PEX26: variants seen among roughly 807,000 people sequenced by gnomAD.
The protein encoded by PEX26 is peroxisome assembly protein 26.
In PEX26, 18 loss-of-function variants were observed where a neutral mutation model predicts 31.4. That is an observed-to-expected ratio of 0.57 (90% CI 0.40 to 0.85). PEX26 has a LOEUF of 0.85. Among genes scored for constraint, PEX26 ranks in the 40% least tolerant of loss-of-function variants. PEX26 has a pLI of 0.00. For missense variants in PEX26, 377 were observed against 383.9 expected (o/e 0.98, Z 0.15); for synonymous variants, 176 against 166.9 (o/e 1.05, Z -0.42).
Position 18,085,212 on chromosome 22 carries a change from C to T in PEX26, c.768C>T (p.Leu256=). The T allele has an allele frequency of 6.2e-7, 1 of 1,614,130 alleles. No homozygotes were observed. The highest frequency in any genetic ancestry group is 8.5e-7 in the Non-Finnish European group (1 of 1,180,016). The change falls in exon 4 of 5, where the codon CTC becomes CTT. Residue 256 remains leucine, a synonymous_variant. Coordinates refer to ENST00000399744, the MANE Select transcript of PEX26 (RefSeq NM_001127649.3). The part of the protein sequence containing the change: ...HFFSLPFKKS[L]LAALILCLLV... ...TTTCTCTGCCCTTCAAAAAGAGTCT[C>T]CTGGCTGCCTTGATCCTCTGTCTCC...
chr22:18,084,113 G>A (rs926945299), intron 3 of PEX26, among the ~76,000 whole-genome samples: 1 of 152,194 alleles, frequency 6.6e-6, no homozygotes, highest in East Asian at 1.9e-4. Context: ...GATAGCCAAA[G>A]GAATATCAGA....
chr22:18,090,602 G>C lies in PEX26; in HGVS notation c.*2527G>C, dbSNP rs1927053184. On this transcript the variant is annotated 3_prime_UTR_variant, in exon 5 of 5. Coordinates refer to ENST00000399744, the MANE Select transcript of PEX26 (RefSeq NM_001127649.3). ...TGAACTTCTTTGCTGCCCCTTCGAAGCTGGGGAGTGCTTGTTGCAGATGCA... is the reference window on the plus strand; with the variant it reads ...TGAACTTCTTTGCTGCCCCTTCGAACCTGGGGAGTGCTTGTTGCAGATGCA... 6.6e-6 allele frequency: 1 copy of C among 152,320 alleles called. No individual in the cohort carries two copies. The highest frequency in any genetic ancestry group is 2.4e-5 in the African/African-American group (1 of 41,454). The allele number at this position is 152,320 out of a possible 1,614,324, so 9.4% of individuals were successfully genotyped here.
In PEX26 at chr22:18,094,228, T is replaced by TC. The variant is rs1927220581; in HGVS notation, c.*6153_*6154insC. On this transcript the variant is annotated 3_prime_UTR_variant, in exon 5 of 5. Transcript: ENST00000399744. ...CATTTCAGAAAAAAGCCTTTTTTTT[T>TC]TGAGATGGAGTCTCGCTCTGTCACC... The TC allele has an allele frequency of 6.6e-6, 1 of 151,710 alleles. No homozygotes were observed. Among genetic ancestry groups the TC allele is most frequent in the Non-Finnish European group, 1.5e-5 (1 of 67,936 alleles). The allele number at this position is 151,710 out of a possible 1,614,324, so 9.4% of individuals were successfully genotyped here.
rs1927013678 is a variant in PEX26 at position 18,089,806 on chromosome 22, A to G, written c.*1731A>G. 1 of 152,166 alleles carries G rather than the reference A, an allele frequency of 6.6e-6. No homozygotes were observed. Among genetic ancestry groups the G allele is most frequent in the Non-Finnish European group, 1.5e-5 (1 of 68,084 alleles). 9.4% of individuals were successfully genotyped at this position (152,166 alleles called of 1,614,324 possible). A position where few individuals can be genotyped will look rare whatever the true frequency, so the allele number is the denominator to read the frequency against. On this transcript the variant is annotated 3_prime_UTR_variant, in exon 5 of 5. Transcript: ENST00000399744. ...AAGCTCCGCCTCCCGGGTTCATGCC[A>G]TTCTCCTGCCTCAGCCTCCCGAGTA...
Position 18,089,286 on chromosome 22 carries a change from A to G in PEX26, c.*1211A>G, listed in dbSNP as rs1926979358. 2 of 152,740 alleles carry G rather than the reference A, an allele frequency of 1.3e-5. No individual in the cohort carries two copies. The highest frequency in any genetic ancestry group is 4.8e-5 in the African/African-American group (2 of 41,446). The allele number at this position is 152,740 out of a possible 1,614,324, so 9.5% of individuals were successfully genotyped here. On this transcript the variant is annotated 3_prime_UTR_variant, in exon 5 of 5. Transcript: ENST00000399744. ...TTCTGCTCGTGTGGCCTTGAAAAGT[A>G]GGCCAGCCTCAGAGGCTGCTGAGCT... is the stretch of plus-strand genomic sequence containing the variant.
intron 3 of PEX26, among the ~76,000 whole-genome samples, chr22:18,084,282 T>C (rs900516632): frequency 3.4e-5 from 5 of 146,422 alleles, no homozygotes; most frequent in African/African-American, 1.3e-4. Context: ...TCTCGCTCTG[T>C]CGCCCAAGCG....
Position 18,094,178 on chromosome 22 carries a change from T to C in PEX26, c.*6103T>C, listed in dbSNP as rs1192203769. ...TAATAGCAGAGACTTGGTGAAGAAATGAAAGCACTTTTGTAGAAGAGTGTC... is the reference window on the plus strand; with the variant it reads ...TAATAGCAGAGACTTGGTGAAGAAACGAAAGCACTTTTGTAGAAGAGTGTC... On this transcript the variant is annotated 3_prime_UTR_variant, in exon 5 of 5. Transcript: ENST00000399744. 3 of 151,886 alleles carry C rather than the reference T, an allele frequency of 2.0e-5. No individual in the cohort carries two copies. The highest frequency in any genetic ancestry group is 7.3e-5 in the African/African-American group (3 of 41,320). 9.4% of individuals were successfully genotyped at this position (151,886 alleles called of 1,614,324 possible). A position where few individuals can be genotyped will look rare whatever the true frequency, so the allele number is the denominator to read the frequency against.
chr22:18,093,192 A>G lies in PEX26; in HGVS notation c.*5117A>G, dbSNP rs1927172442. 6.6e-6 allele frequency: 1 copy of G among 152,166 alleles called. No homozygotes were observed. The highest frequency in any genetic ancestry group is 2.1e-4 in the South Asian group (1 of 4,824). 9.4% of individuals were successfully genotyped at this position (152,166 alleles called of 1,614,324 possible). Reference sequence around the variant, plus strand: ...AAAAGACCATCACACGATTCTACCAATGCATGTTGCATCTATAATTCACGA... The same window carrying G: ...AAAAGACCATCACACGATTCTACCAGTGCATGTTGCATCTATAATTCACGA... On this transcript the variant is annotated 3_prime_UTR_variant, in exon 5 of 5. Transcript: ENST00000399744.
At chr22:18,084,401 C>T (rs1330031150) in intron 3 of PEX26, among the ~76,000 whole-genome samples, 2 of 152,136 alleles carry the variant, frequency 1.3e-5, no homozygotes, top group Non-Finnish European at 2.9e-5. Flanking sequence ...CCCGCCACCA[C>T]ACCTGGCTAA....
rs1422891652 is a variant in PEX26 at position 18,103,802 on chromosome 22, A to G, written c.*15727A>G. The stretch of plus-strand genomic sequence containing the variant: ...TCAACACCCACATGCACCACCACCA[A>G]CTTTTTGCTATTGTGAATAACATAG... On this transcript the variant is annotated 3_prime_UTR_variant, in exon 5 of 5. Transcript: ENST00000399744. 2.0e-5 allele frequency: 3 copies of G among 152,252 alleles called. No homozygotes were observed. The highest frequency in any genetic ancestry group is 7.2e-5 in the African/African-American group (3 of 41,400). The allele number at this position is 152,252 out of a possible 1,614,324, so 9.4% of individuals were successfully genotyped here.
At position 18,091,733 on chromosome 22, in the gene PEX26, G is replaced by A. The variant is rs899070590; in HGVS notation, c.*3658G>A. On this transcript the variant is annotated 3_prime_UTR_variant, in exon 5 of 5. Coordinates refer to ENST00000399744, the MANE Select transcript of PEX26 (RefSeq NM_001127649.3). ...CTGTGTGTCATTCCGTTGCGTGATGGGGTCACAGAGCACAGACCTGGTGCC... is the reference window on the plus strand; with the variant it reads ...CTGTGTGTCATTCCGTTGCGTGATGAGGTCACAGAGCACAGACCTGGTGCC... The A allele has an allele frequency of 1.3e-5, 2 of 152,222 alleles. No homozygotes were observed. Among genetic ancestry groups the A allele is most frequent in the Non-Finnish European group, 2.9e-5 (2 of 68,066 alleles). The allele number at this position is 152,222 out of a possible 1,614,324, so 9.4% of individuals were successfully genotyped here. A position where few individuals can be genotyped will look rare whatever the true frequency, so the allele number is the denominator to read the frequency against.
intron 4 of PEX26, among the ~76,000 whole-genome samples, chr22:18,087,521 C>T (rs1310001054): frequency 2.0e-5 from 3 of 152,238 alleles, no homozygotes; most frequent in Non-Finnish European, 4.4e-5. Context: ...AGCGTTCATC[C>T]CTGGCCACCT....
At position 18,101,583 on chromosome 22, in the gene PEX26, C is replaced by A; in HGVS notation, c.*13508C>A. On this transcript the variant is annotated 3_prime_UTR_variant, in exon 5 of 5. Coordinates refer to ENST00000399744, the MANE Select transcript of PEX26 (RefSeq NM_001127649.3). Reference sequence around the variant, plus strand: ...CTTCAAGACACAGCCTAAGTATGACCACCTGTATGGACCCTTCCCTAATGC... The same window carrying A: ...CTTCAAGACACAGCCTAAGTATGACAACCTGTATGGACCCTTCCCTAATGC... The A allele has an allele frequency of 5.9e-6, 1 of 170,564 alleles. No individual in the cohort carries two copies. The highest frequency in any genetic ancestry group is 1.3e-5 in the Non-Finnish European group (1 of 79,782). The allele number at this position is 170,564 out of a possible 1,614,324, so 10.6% of individuals were successfully genotyped here.
At position 18,102,735 on chromosome 22, in the gene PEX26, T is replaced by C. The variant is rs1266813851; in HGVS notation, c.*14660T>C. ...GAAGGCCATGTGCTAAATCCAGCAA[T>C]CCGCTCCAGTAGGTGTCCTTCAGGA... On this transcript the variant is annotated 3_prime_UTR_variant, in exon 5 of 5. Coordinates refer to ENST00000399744, the MANE Select transcript of PEX26 (RefSeq NM_001127649.3). 6.6e-6 allele frequency: 1 copy of C among 152,184 alleles called. No individual in the cohort carries two copies. Among genetic ancestry groups the C allele is most frequent in the Non-Finnish European group, 1.5e-5 (1 of 68,030 alleles). The allele number at this position is 152,184 out of a possible 1,614,324, so 9.4% of individuals were successfully genotyped here. A position where few individuals can be genotyped will look rare whatever the true frequency, so the allele number is the denominator to read the frequency against.
chr22:18,088,015 C>T lies in PEX26; in HGVS notation c.858C>T (p.Leu286=), dbSNP rs760904431. ...ACTTCCTCTACAAGCTGGCCCAGCT[C>T]TTCCGCTGGATCCGGAAGGCTGCAT... The part of the protein sequence containing the change: ...SLHFLYKLAQ[L]FRWIRKAAFS... Residue 286 remains leucine, a synonymous_variant, in exon 5 of 5, where the codon CTC becomes CTT. Transcript: ENST00000399744. This position sits in a 1 kb window ranked among gnomAD's most constrained non-coding sequence, Gnocchi z 4.1. 6.2e-7 allele frequency: 1 copy of T among 1,613,836 alleles called. No homozygotes were observed. The highest frequency in any genetic ancestry group is 8.5e-7 in the Non-Finnish European group (1 of 1,179,972).
Position 18,088,538 on chromosome 22 carries a change from G to GA in PEX26, c.*465dup, listed in dbSNP as rs1268461866. On this transcript the variant is annotated 3_prime_UTR_variant, in exon 5 of 5. Coordinates refer to ENST00000399744, the MANE Select transcript of PEX26 (RefSeq NM_001127649.3). The surrounding 1 kb of genome is among the most constrained non-coding windows in gnomAD (Gnocchi z 4.1). ...TCACGCCTGTAATCCCAGCACTTTG[G>GA]AAGGGTGAGGTGGGTGGATCACTTG... 2 of 289,576 alleles carry GA rather than the reference G, an allele frequency of 6.9e-6. No homozygotes were observed. Among genetic ancestry groups the GA allele is most frequent in the African/African-American group, 4.4e-5 (2 of 45,808 alleles). 17.9% of individuals were successfully genotyped at this position (289,576 alleles called of 1,614,324 possible). A position where few individuals can be genotyped will look rare whatever the true frequency, so the allele number is the denominator to read the frequency against.
chr22:18,083,859 G>C, intron 3 of PEX26, 127 bp downstream of exon 3: 2 of 860,014 alleles, frequency 2.3e-6, no homozygotes, highest in Non-Finnish European at 3.7e-6. Context: ...TTGAGTCACA[G>C]AATAGGAGGC....
In PEX26 at chr22:18,090,099, A is replaced by G. The variant is rs1262185554; in HGVS notation, c.*2024A>G. The G allele has an allele frequency of 2.0e-5, 3 of 152,180 alleles. No individual in the cohort carries two copies. Among genetic ancestry groups the G allele is most frequent in the Admixed American group, 6.5e-5 (1 of 15,282 alleles). The allele number at this position is 152,180 out of a possible 1,614,324, so 9.4% of individuals were successfully genotyped here. ...GTTCAAGTCTGTAGGAAGCAAATCT[A>G]TACTTTTTTATATGGGCTTTTAAGT... On this transcript the variant is annotated 3_prime_UTR_variant, in exon 5 of 5. Transcript: ENST00000399744.
Position 18,083,485 on chromosome 22 carries a change from G to C in PEX26, c.420G>C (p.Val140=). The change falls in exon 3 of 5, where the codon GTG becomes GTC. Residue 140 remains valine (V), a synonymous_variant. Transcript: ENST00000399744. ...AAGAGCCTGGAGCTGTGCTGGATGT[G>C]GTGGGTGCCTGGCTCCAAGACCCAG... The part of the protein sequence containing the change: ...KMQEPGAVLD[V]VGAWLQDPAN... The C allele has an allele frequency of 6.2e-7, 1 of 1,614,086 alleles. No individual in the cohort carries two copies. Among genetic ancestry groups the C allele is most frequent in the Non-Finnish European group, 8.5e-7 (1 of 1,180,004 alleles).
Sources: allele counts gnomAD v4.1 joint callset (sites outside exome capture counted in the v4.1 genomes callset), GRCh38; gene constraint gnomAD v4.1.1; non-coding constraint Gnocchi (gnomAD v3.1); transcripts MANE v1.5; gene names NCBI Gene and HGNC (gene_info 2026-07-23, HGNC 2026-07-21).